Variants in ACTR3C observed in about 807,000 individuals in gnomAD.
ACTR3C encodes the protein actin-related protein 3C.
Under a neutral mutation model 26.3 loss-of-function variants are expected in ACTR3C, and 18 were observed. The ratio of observed to expected loss-of-function variants is 0.68; its 90% confidence interval spans 0.47 to 1.01. ACTR3C has a LOEUF of 1.01. ACTR3C is among the 50% of genes least tolerant of loss of function. The pLI, the probability that ACTR3C is intolerant of heterozygous loss-of-function variation, is 0.00. For synonymous variants in ACTR3C, 55 were observed against 94.5 expected (o/e 0.58, Z 2.42); for missense variants, 184 against 250.7 (o/e 0.73, Z 1.80).
the ACTR3C span, among the ~76,000 whole-genome samples, chr7:150,146,657 C>A: frequency 6.6e-6 from 1 of 152,110 alleles, no homozygotes. Context: ...CAGGTTCAGG[C>A]CTGGCCTTCA....
chr7:149,996,195 G>T, the ACTR3C span, among the ~76,000 whole-genome samples: 62 of 152,350 alleles, frequency 4.1e-4, no homozygotes, highest in South Asian at 0.012. Context: ...AGATGGTCTT[G>T]CCCCGAGTGT....
At chr7:150,198,654 C>A in the ACTR3C span, among the ~76,000 whole-genome samples, 1 of 149,568 alleles carries the variant, frequency 6.7e-6, no homozygotes, top group East Asian at 2.0e-4. Flanking sequence ...CCGGCAGCTG[C>A]CCCGTCTGAG....
chr7:150,088,128 G>A, the ACTR3C span, among the ~76,000 whole-genome samples: 275 of 152,286 alleles, frequency 1.8e-3, 2 homozygotes, highest in Middle Eastern at 0.02. Context: ...CCCATTCTAT[G>A]AATTGTCTTT....
the ACTR3C span, among the ~76,000 whole-genome samples, chr7:149,882,986 C>G: frequency 1.3e-5 from 2 of 152,210 alleles, no homozygotes; most frequent in African/African-American, 4.8e-5. Flanking sequence ...AAAGGACTGG[C>G]TCTCAGGCTC....
the ACTR3C span, among the ~76,000 whole-genome samples, chr7:149,918,880 G>C: frequency 6.6e-6 from 1 of 152,170 alleles, no homozygotes; most frequent in African/African-American, 2.4e-5. Flanking sequence ...GATCCTTAAA[G>C]GCTCTGGAAC....
chr7:150,042,339 CG>C, the ACTR3C span, among the ~76,000 whole-genome samples: 10 of 91,528 alleles, frequency 1.1e-4, no homozygotes, highest in African/African-American at 2.1e-4. Flanking sequence ...CCCTGCCTCG[CG>C]GGGGGTGCCT....
rs74631603 is a variant in ACTR3C, at chr7:150,302,413, A to G, written c.-51-7066T>C. 5.4e-3 allele frequency among the ~76,000 whole-genome samples: 822 copies of G among 152,204 alleles called. 2 individuals carry two copies. The highest frequency in any genetic ancestry group is 0.01 in the East Asian group (53 of 5,188). On this transcript the variant is annotated intron_variant, in intron 1 of 7. Coordinates refer to ENST00000683684, the MANE Select transcript of ACTR3C (RefSeq NM_001164458.2). Reference sequence around the variant, plus strand: ...AAGTAAAAAAGACTCGAAATACAGGAAAAACTGTATGCACAAAGATTACAT... The same window carrying G: ...AAGTAAAAAAGACTCGAAATACAGGGAAAACTGTATGCACAAAGATTACAT...
the ACTR3C span, among the ~76,000 whole-genome samples, chr7:150,037,750 CCACCCTCGCGGGGGG>C: frequency 1.1e-4 from 5 of 46,014 alleles, no homozygotes; most frequent in Admixed American, 2.9e-4. Context: ...CTCTCAGTCC[CCACCCTCGCGGGGGG>C]TGCCTCCCCC....
rs1314279929 is a variant in ACTR3C, at chr7:150,323,460, G to C, written c.-52+9C>G. On this transcript the variant is annotated intron_variant, in intron 1 of 7. Coordinates refer to ENST00000683684, the MANE Select transcript of ACTR3C (RefSeq NM_001164458.2). The stretch of plus-strand genomic sequence containing the variant: ...GCCAGGCGGCGGGCGGCGGGGCTGC[G>C]GCTCTTACCTGCCGAGGAGGCGCCG... 1.1e-5 allele frequency: 4 copies of C among 372,956 alleles called. No homozygotes were observed. The highest frequency in any genetic ancestry group is 3.6e-5 in the Admixed American group (1 of 27,618). The allele number at this position is 372,956 out of a possible 1,614,324, so 23.1% of individuals were successfully genotyped here.
chr7:150,236,733 T>C, the ACTR3C span, among the ~76,000 whole-genome samples: 86 of 151,268 alleles, frequency 5.7e-4, no homozygotes, highest in African/African-American at 2.0e-3. Context: ...TATACCATCA[T>C]ACCCACTATC....
the ACTR3C span, among the ~76,000 whole-genome samples, chr7:150,029,823 T>A: frequency 6.6e-6 from 1 of 152,034 alleles, no homozygotes; most frequent in Non-Finnish European, 1.5e-5. Flanking sequence ...CATACCTCCC[T>A]GAATACTCTG....
chr7:150,182,025 T>C, the ACTR3C span, among the ~76,000 whole-genome samples: 1 of 150,540 alleles, frequency 6.6e-6, no homozygotes, highest in Non-Finnish European at 1.5e-5. Flanking sequence ...GAGCAGAACG[T>C]GCAGAAACAG....
chr7:149,945,665 C>T, the ACTR3C span, among the ~76,000 whole-genome samples: 6 of 151,964 alleles, frequency 3.9e-5, no homozygotes, highest in South Asian at 2.1e-4. Flanking sequence ...CATCCTGGGG[C>T]GGGCAGAAGC....
the ACTR3C span, among the ~76,000 whole-genome samples, chr7:150,086,485 T>C: frequency 2.0e-5 from 3 of 152,070 alleles, no homozygotes; most frequent in African/African-American, 7.2e-5. Flanking sequence ...TTCGGTAGAA[T>C]TTATCAAGGC....
chr7:150,174,269 G>A, the ACTR3C span, among the ~76,000 whole-genome samples: 2 of 139,152 alleles, frequency 1.4e-5, no homozygotes, highest in Non-Finnish European at 3.0e-5. Flanking sequence ...CAGAATCATG[G>A]TGGGAGGTGA....
chr7:149,914,586 T>C, the ACTR3C span, among the ~76,000 whole-genome samples: 1 of 118,148 alleles, frequency 8.5e-6, no homozygotes, highest in Admixed American at 8.6e-5. Context: ...AATAAATAAA[T>C]AAACAAACAG....
chr7:150,276,908 G>C (rs2129611512), intron 6 of ACTR3C, among the ~76,000 whole-genome samples: 2 of 152,262 alleles, frequency 1.3e-5, no homozygotes, highest in African/African-American at 4.8e-5. Context: ...GTGTCAACTT[G>C]GCCAGGGCAC....
At chr7:149,898,321 G>A in the ACTR3C span, among the ~76,000 whole-genome samples, 1 of 152,240 alleles carries the variant, frequency 6.6e-6, no homozygotes, top group Non-Finnish European at 1.5e-5. Context: ...CACTGCCAAT[G>A]TGCCAACACA....
the ACTR3C span, among the ~76,000 whole-genome samples, chr7:150,214,968 A>T: frequency 3.7e-3 from 559 of 151,896 alleles, 5 homozygotes; most frequent in Middle Eastern, 0.02. Context: ...TTAAGGATGA[A>T]ATCAAAGTAA....
Sources: allele counts gnomAD v4.1 joint callset (sites outside exome capture counted in the v4.1 genomes callset), GRCh38; gene constraint gnomAD v4.1.1; transcripts MANE v1.5; gene names NCBI Gene and HGNC (gene_info 2026-07-23, HGNC 2026-07-21).